DLGAP2: variants seen among roughly 807,000 people sequenced by gnomAD.
DLGAP2 encodes the protein disks large-associated protein 2.
DLGAP2 carries 26 observed loss-of-function variants against 100.3 expected under a neutral mutation model. The ratio of observed to expected loss-of-function variants is 0.26; its 90% CI spans 0.19 to 0.36. DLGAP2 has a LOEUF of 0.36. Ranked by LOEUF, DLGAP2 falls within the 10% of genes least tolerant of loss-of-function variation. DLGAP2 has a pLI of 1.00. For synonymous variants in DLGAP2, 886 were observed against 630.1 expected, an observed-to-expected ratio of 1.41 and a Z score of -6.08; for missense variants, 1,858 against 1,453.2, an observed-to-expected ratio of 1.28 and a Z score of -4.53.
At position 1,362,607 on chromosome 8, in the gene DLGAP2, A is replaced by G. The variant is rs987716258; in HGVS notation, c.106+103724A>G. On this transcript the variant is annotated intron_variant, in intron 3 of 14. Coordinates refer to ENST00000637795, the MANE Select transcript of DLGAP2 (RefSeq NM_001346810.2). ...CCATGGAAAATTCTGACGCGAGGCCATCTCTCCCCTTAACACCAGCACCGT... is the reference window on the plus strand; with the variant it reads ...CCATGGAAAATTCTGACGCGAGGCCGTCTCTCCCCTTAACACCAGCACCGT... Among the ~76,000 whole-genome samples, 5 of 152,146 alleles carry G rather than the reference A, an allele frequency of 3.3e-5. No individual in the cohort carries two copies. In the East Asian group the frequency reaches 5.8e-4, roughly 18 times the overall value.
At chr8:913,320 C>T (rs571750070) in intron 2 of DLGAP2, among the ~76,000 whole-genome samples, 3 of 152,282 alleles carry the variant, frequency 2.0e-5, no homozygotes, top group African/African-American at 7.2e-5. Context: ...CCCTAGATTT[C>T]TTGGGAGCTA....
At chr8:1,236,239 C>CGCCGTGTCT (rs1563270890) in intron 2 of DLGAP2, among the ~76,000 whole-genome samples, 1,235 of 66,758 alleles carry the variant, frequency 0.018, 33 homozygotes, top group African/African-American at 0.031. Flanking sequence ...TCTCACATGG[C>CGCCGTGTCT]ACCATGTCTA....
chr8:793,057 C>G (rs991940089), intron 1 of DLGAP2, among the ~76,000 whole-genome samples: 4 of 152,204 alleles, frequency 2.6e-5, no homozygotes, highest in African/African-American at 9.7e-5. Flanking sequence ...AGTCATTTCC[C>G]TTAGCTGTAT....
chr8:1,085,916 A>G (rs1189241781), intron 2 of DLGAP2, among the ~76,000 whole-genome samples: 1 of 152,104 alleles, frequency 6.6e-6, no homozygotes, highest in Admixed American at 6.5e-5. Context: ...CCTTCTATTT[A>G]TTTGTATCTT....
intron 1 of DLGAP2, among the ~76,000 whole-genome samples, chr8:815,776 C>G (rs1368749284): frequency 6.6e-6 from 1 of 152,162 alleles, no homozygotes; most frequent in African/African-American, 2.4e-5. Flanking sequence ...AGAGGCCATA[C>G]TGAAAGGAGG....
intron 3 of DLGAP2, among the ~76,000 whole-genome samples, chr8:1,479,271 G>A (rs1419429852): frequency 6.6e-6 from 1 of 152,208 alleles, no homozygotes; most frequent in Non-Finnish European, 1.5e-5. Context: ...CAAACCAGGC[G>A]GGGATTGGGG....
At chr8:821,608 G>A (rs892461625) in intron 1 of DLGAP2, among the ~76,000 whole-genome samples, 1 of 152,186 alleles carries the variant, frequency 6.6e-6, no homozygotes, top group Non-Finnish European at 1.5e-5. Flanking sequence ...CTCCTGGAAA[G>A]AAAATGATCA....
At chr8:781,635 G>A (rs73181016) in intron 1 of DLGAP2, among the ~76,000 whole-genome samples, 31,256 of 152,024 alleles carry the variant, frequency 0.21, 3,950 homozygotes, top group Admixed American at 0.4. Flanking sequence ...TAACACAAGA[G>A]GACAAAGAAG....
chr8:867,896 C>G (rs1045363455), intron 1 of DLGAP2, among the ~76,000 whole-genome samples: 1 of 152,140 alleles, frequency 6.6e-6, no homozygotes, highest in Non-Finnish European at 1.5e-5. Flanking sequence ...CATATTTGCT[C>G]AACTTTCTGT....
chr8:1,349,252 G>T (rs1801645436), intron 3 of DLGAP2, among the ~76,000 whole-genome samples: 1 of 151,598 alleles, frequency 6.6e-6, no homozygotes, highest in Non-Finnish European at 1.5e-5. Flanking sequence ...TAAACTAGGT[G>T]TTTGAGGGGG....
chr8:1,225,389 A>T (rs974477912), intron 2 of DLGAP2, among the ~76,000 whole-genome samples: 2 of 152,250 alleles, frequency 1.3e-5, no homozygotes, highest in African/African-American at 4.8e-5. Context: ...AAATCCACAG[A>T]TACAGAACAC....
At chr8:1,483,403 T>G (rs1363531388) in intron 3 of DLGAP2, among the ~76,000 whole-genome samples, 1 of 152,190 alleles carries the variant, frequency 6.6e-6, no homozygotes, top group African/African-American at 2.4e-5. Context: ...GCACACCTGC[T>G]GTTGGCTTGA....
At chr8:1,117,995 T>C (rs1172516311) in intron 2 of DLGAP2, among the ~76,000 whole-genome samples, 2 of 152,260 alleles carry the variant, frequency 1.3e-5, no homozygotes, top group Admixed American at 1.3e-4. Flanking sequence ...AATGAAATTA[T>C]AAAGCAAATT....
chr8:1,645,522 G>C (rs955479668), intron 8 of DLGAP2, among the ~76,000 whole-genome samples: 1 of 152,188 alleles, frequency 6.6e-6, no homozygotes, highest in Non-Finnish European at 1.5e-5. Flanking sequence ...CCCATTGCAA[G>C]TTGAGGAGCA....
At chr8:1,021,268 T>C (rs1429128345) in intron 2 of DLGAP2, among the ~76,000 whole-genome samples, 3 of 152,152 alleles carry the variant, frequency 2.0e-5, no homozygotes, top group Non-Finnish European at 4.4e-5. Context: ...TTTCCAGGTG[T>C]ACAGATTATA....
chr8:1,003,234 A>G (rs900608623), intron 2 of DLGAP2: 4 of 152,266 alleles, frequency 2.6e-5, no homozygotes, highest in African/African-American at 9.7e-5. Flanking sequence ...CTAAATCAGG[A>G]GAGCAAACCG....
intron 2 of DLGAP2, among the ~76,000 whole-genome samples, chr8:1,227,634 A>T (rs28794813): frequency 0.048 from 7,287 of 152,076 alleles, 311 homozygotes; most frequent in African/African-American, 0.11. Context: ...ATGCGGATGG[A>T]CCTGGAGGCC....
intron 1 of DLGAP2, among the ~76,000 whole-genome samples, chr8:898,894 G>A (rs553755793): frequency 6.6e-6 from 1 of 152,214 alleles, no homozygotes; most frequent in African/African-American, 2.4e-5. Flanking sequence ...CTGCGCATCA[G>A]AGAATGTTTC....
chr8:1,368,287 T>C (rs954740343), intron 3 of DLGAP2, among the ~76,000 whole-genome samples: 6 of 151,952 alleles, frequency 3.9e-5, no homozygotes, highest in Admixed American at 6.6e-5. Flanking sequence ...TGTATGTGTG[T>C]GTATTATGTG....
Sources: gnomAD v4.1 joint callset for allele counts (sites outside exome capture counted in the v4.1 genomes callset) on GRCh38, gnomAD v4.1.1 for gene constraint, MANE v1.5 for transcripts, NCBI Gene and HGNC (gene_info 2026-07-23, HGNC 2026-07-21) for gene names.